Variants in BRINP3 observed in about 807,000 individuals in gnomAD.
BRINP3 encodes the protein BMP/retinoic acid inducible neural specific 3, also known as BMP/retinoic acid-inducible neural-specific protein 3.
In BRINP3, 19 loss-of-function variants were observed where a neutral mutation model predicts 71.0. That is an observed-to-expected ratio of 0.27 (90% CI 0.19 to 0.39). The LOEUF (loss-of-function observed/expected upper bound fraction) is 0.39, where lower values mean the gene tolerates loss of function less well. Ranked by LOEUF, BRINP3 falls within the 10% of genes least tolerant of loss-of-function variation. BRINP3 has a pLI of 1.00. For missense variants in BRINP3, 959 were observed against 940.8 expected, an observed-to-expected ratio of 1.02 and a Z score of -0.25; for synonymous variants, 380 against 337.7, an observed-to-expected ratio of 1.13 and a Z score of -1.37.
At chr1:190,295,860 A>T (rs1230323936) in intron 2 of BRINP3, among the ~76,000 whole-genome samples, 2 of 152,096 alleles carry the variant, frequency 1.3e-5, no homozygotes, top group Admixed American at 1.3e-4. Flanking sequence ...TGTCCTTTCT[A>T]AAGTCTTCAA....
rs201118005 is a variant in BRINP3 at position 190,328,721 on chromosome 1, GAA to G, written c.237-46973_237-46972del. Among the ~76,000 whole-genome samples the G allele has an allele frequency of 5.4e-3, 471 of 87,982 alleles. 3 individuals are homozygous for G. The highest frequency in any genetic ancestry group is 0.015 in the African/African-American group (407 of 26,878). The allele number at this position is 87,982 out of a possible 152,430, so 57.7% of individuals were successfully genotyped here. ...ATAAAAACCTGGCAGAGACAATGAA[GAA>G]AAAAAAAAAAAAAATACAGGCCAAT... On this transcript the variant is annotated intron_variant, in intron 2 of 7. Coordinates refer to ENST00000367462, the MANE Select transcript of BRINP3 (RefSeq NM_199051.3).
rs537903036 is a variant in BRINP3, at chr1:190,342,121, A to G, written c.237-60371T>C. On this transcript the variant is annotated intron_variant, in intron 2 of 7. Coordinates refer to ENST00000367462, the MANE Select transcript of BRINP3 (RefSeq NM_199051.3). ...CGATGGGTCTTTTTCTCAGTCTTGCATTTATCTGGTTCTCTGTCTTCTGCC... is the reference window on the plus strand; with the variant it reads ...CGATGGGTCTTTTTCTCAGTCTTGCGTTTATCTGGTTCTCTGTCTTCTGCC... 2.4e-4 allele frequency among the ~76,000 whole-genome samples: 37 copies of G among 151,384 alleles called. No individual in the cohort carries two copies. The East Asian group carries it at 5.5e-3, about 23-fold the overall frequency.
intron 6 of BRINP3, among the ~76,000 whole-genome samples, chr1:190,165,083 T>C (rs1651370065): frequency 6.6e-6 from 1 of 151,938 alleles, no homozygotes; most frequent in Non-Finnish European, 1.5e-5. Context: ...AAATACATAA[T>C]ATCTAACGAA....
At chr1:190,207,142 T>C (rs1655579534) in intron 6 of BRINP3, among the ~76,000 whole-genome samples, 1 of 152,064 alleles carries the variant, frequency 6.6e-6, no homozygotes, top group African/African-American at 2.4e-5. Context: ...AAATAATCAA[T>C]ACTAAATTGT....
chr1:190,128,887 A>G (rs1287887843), intron 7 of BRINP3, among the ~76,000 whole-genome samples: 1 of 151,784 alleles, frequency 6.6e-6, no homozygotes, highest in Non-Finnish European at 1.5e-5. Flanking sequence ...AGCTTGACTT[A>G]CACTAGATCA....
chr1:190,387,551 A>C (rs1286312743), intron 2 of BRINP3, among the ~76,000 whole-genome samples: 1 of 152,032 alleles, frequency 6.6e-6, no homozygotes, highest in East Asian at 1.9e-4. Flanking sequence ...AGGTGAGGAC[A>C]GGTCTGTAGT....
chr1:190,405,852 A>G (rs896784531), intron 2 of BRINP3, among the ~76,000 whole-genome samples: 51 of 152,194 alleles, frequency 3.4e-4, no homozygotes, highest in African/African-American at 1.2e-3. Context: ...AATTAATCCA[A>G]ATATATTCAG....
chr1:190,323,513 A>AT (rs1261321063), intron 2 of BRINP3, among the ~76,000 whole-genome samples: 1 of 151,618 alleles, frequency 6.6e-6, no homozygotes, highest in Non-Finnish European at 1.5e-5. Context: ...TACCTGTTTA[A>AT]TTTTTTCATC....
chr1:190,160,239 T>C (rs1657230423), intron 7 of BRINP3, among the ~76,000 whole-genome samples: 1 of 151,842 alleles, frequency 6.6e-6, no homozygotes, highest in African/African-American at 2.4e-5. Flanking sequence ...AGGTTTGTGG[T>C]TTTCTATACA....
At chr1:190,130,360 T>C (rs930358719) in intron 7 of BRINP3, among the ~76,000 whole-genome samples, 3 of 152,102 alleles carry the variant, frequency 2.0e-5, no homozygotes, top group Non-Finnish European at 4.4e-5. Flanking sequence ...TATCAAAAAA[T>C]GTTTTTACTT....
chr1:190,267,028 G>A (rs1240462484), intron 3 of BRINP3, among the ~76,000 whole-genome samples: 3 of 152,030 alleles, frequency 2.0e-5, no homozygotes, highest in African/African-American at 7.2e-5. Flanking sequence ...TTTTCATAAA[G>A]CACAAGATAC....
At position 190,253,810 on chromosome 1, in the gene BRINP3, C is replaced by T. The variant is rs1012961333; in HGVS notation, c.618+11055G>A. On this transcript the variant is annotated intron_variant, in intron 4 of 7. Transcript: ENST00000367462. ...TGTATTTTGGCTTTTGTTGCCATTG[C>T]TTTTGGTGTTTTAGTCATGAAGTCC... is the stretch of plus-strand genomic sequence containing the variant. Among the ~76,000 whole-genome samples, 12 of 152,152 alleles carry T rather than the reference C, an allele frequency of 7.9e-5. No individual in the cohort carries two copies. In the East Asian group the frequency reaches 9.6e-4, roughly 12 times the overall value.
chr1:190,430,433 A>G (rs544721348), intron 2 of BRINP3, among the ~76,000 whole-genome samples: 1 of 152,232 alleles, frequency 6.6e-6, no homozygotes, highest in African/African-American at 2.4e-5. Flanking sequence ...TAGGAGGGAA[A>G]GATTCAATCC....
At chr1:190,421,425 T>G (rs1673376884) in intron 2 of BRINP3, among the ~76,000 whole-genome samples, 1 of 151,056 alleles carries the variant, frequency 6.6e-6, no homozygotes, top group African/African-American at 2.4e-5. Context: ...AGATGCAATG[T>G]TTTAAAAGTC....
In BRINP3 at chr1:190,281,556, G is replaced by A. The variant is rs761810926; in HGVS notation, c.427+4C>T. On this transcript the variant is annotated splice_donor_region_variant and intron_variant, in intron 3 of 7. Transcript: ENST00000367462. ...CAGGCACAAATAGGTTCAAAGAGCC[G>A]TACCTCCCAGAGTAGCAGATAGCAA... 32 of 1,611,014 alleles carry A rather than the reference G, an allele frequency of 2.0e-5. No individual in the cohort carries two copies. Among genetic ancestry groups the A allele is most frequent in the East Asian group, 1.1e-4 (5 of 44,806 alleles).
intron 7 of BRINP3, among the ~76,000 whole-genome samples, chr1:190,120,344 T>C (rs933665266): frequency 1.3e-5 from 2 of 152,194 alleles, no homozygotes; most frequent in Admixed American, 1.3e-4. Context: ...GTATTAAATA[T>C]GTGTATTAGA....
intron 6 of BRINP3, among the ~76,000 whole-genome samples, 178 bp from the exon 7 acceptor site, chr1:190,161,068 C>T (rs1199990464): frequency 6.6e-6 from 1 of 152,064 alleles, no homozygotes; most frequent in Non-Finnish European, 1.5e-5. Flanking sequence ...TTTTTAGATG[C>T]TTTAGAATTA....
chr1:190,304,557 A>G (rs1054711578), intron 2 of BRINP3, among the ~76,000 whole-genome samples: 1 of 151,910 alleles, frequency 6.6e-6, no homozygotes, highest in South Asian at 2.1e-4. Context: ...GCACTGGGAA[A>G]ACGATATTAT....
intron 2 of BRINP3, among the ~76,000 whole-genome samples, chr1:190,419,421 A>G (rs190416754): frequency 1.1e-3 from 174 of 152,158 alleles, no homozygotes; most frequent in South Asian, 3.5e-3. Context: ...AATAAAAATC[A>G]TTTTAGTAAT....
Sources: gnomAD v4.1 joint callset for allele counts (sites outside exome capture counted in the v4.1 genomes callset) on GRCh38, gnomAD v4.1.1 for gene constraint, MANE v1.5 for transcripts, NCBI Gene and HGNC (gene_info 2026-07-23, HGNC 2026-07-21) for gene names.